WBP1L: variants seen among roughly 807,000 people sequenced by gnomAD.
WBP1L encodes WW domain binding protein 1-like.
WBP1L carries 17 observed loss-of-function variants against 33.7 expected under a neutral mutation model. The ratio of observed to expected loss-of-function variants is 0.50; its 90% confidence interval spans 0.34 to 0.76. The LOEUF is 0.76. Among genes scored for constraint, WBP1L ranks in the 30% least tolerant of loss-of-function variants. The pLI is 0.01. For missense variants in WBP1L, 389 were observed against 469.4 expected (o/e 0.83, Z 1.58); for synonymous variants, 173 against 190.8 (o/e 0.91, Z 0.77).
intron 1 of WBP1L, among the ~76,000 whole-genome samples, chr10:102,748,777 A>G (rs1842894022): frequency 6.6e-6 from 1 of 152,242 alleles, no homozygotes; most frequent in Non-Finnish European, 1.5e-5. Context: ...AAATGGAAGT[A>G]CAAACAAAGG....
At chr10:102,788,982 C>T (rs10786710) in intron 1 of WBP1L, among the ~76,000 whole-genome samples, 78,582 of 151,870 alleles carry the variant, frequency 0.52, 21,370 homozygotes, top group Middle Eastern at 0.63. Context: ...TTTACTGAGA[C>T]GGAGTCTTGC....
chr10:102,744,808 G>A (rs974634541), intron 1 of WBP1L, among the ~76,000 whole-genome samples: 1 of 152,176 alleles, frequency 6.6e-6, no homozygotes, highest in African/African-American at 2.4e-5. Context: ...AGCAAGTCAC[G>A]GATGCTGATC....
At chr10:102,807,413 C>T (rs967767413) in intron 2 of WBP1L, among the ~76,000 whole-genome samples, 45 of 152,002 alleles carry the variant, frequency 3.0e-4, no homozygotes, top group African/African-American at 9.7e-4. Flanking sequence ...GAATCTCACT[C>T]GGTTGCCAGG....
rs749483503 is a variant in WBP1L at position 102,812,746 on chromosome 10, T to C, written c.507T>C (p.Asp169=). ...GPAGGSPPGI[D]PTRGSQGAQS... The stretch of plus-strand genomic sequence containing the variant: ...CAGGTGGCAGTCCCCCGGGCATCGA[T>C]CCCACCAGGGGATCCCAGGGGGCAC... Residue 169 remains aspartate, a synonymous_variant, in exon 4 of 4, where the codon GAT becomes GAC. Coordinates refer to ENST00000448841, the MANE Select transcript of WBP1L (RefSeq NM_001083913.2). 1 of 1,613,638 alleles carries C rather than the reference T, an allele frequency of 6.2e-7. No individual in the cohort carries two copies. Among genetic ancestry groups the C allele is most frequent in the Non-Finnish European group, 8.5e-7 (1 of 1,179,862 alleles).
At chr10:102,745,951 A>G (rs1842859171) in intron 1 of WBP1L, among the ~76,000 whole-genome samples, 1 of 152,366 alleles carries the variant, frequency 6.6e-6, no homozygotes, top group African/African-American at 2.4e-5. Flanking sequence ...AAAATATAGA[A>G]TATAGTAAAT....
chr10:102,748,908 C>T (rs1004735128), intron 1 of WBP1L, among the ~76,000 whole-genome samples: 4 of 152,044 alleles, frequency 2.6e-5, no homozygotes, highest in African/African-American at 9.7e-5. Flanking sequence ...AGAGTATGGA[C>T]CAGGAAGGGG....
intron 1 of WBP1L, among the ~76,000 whole-genome samples, chr10:102,746,346 C>T (rs1842864277): frequency 6.6e-6 from 1 of 152,104 alleles, no homozygotes; most frequent in South Asian, 2.1e-4. Flanking sequence ...AGCTGTTACA[C>T]GGTTACAATT....
chr10:102,795,776 AGGGCCTG>A (rs1416594714), intron 1 of WBP1L, among the ~76,000 whole-genome samples: 1 of 152,234 alleles, frequency 6.6e-6, no homozygotes, highest in African/African-American at 2.4e-5. Context: ...TGGCATTCGC[AGGGCCTG>A]GTAAACTGGG....
chr10:102,812,176 G>A (rs912114588), intron 3 of WBP1L, among the ~76,000 whole-genome samples: 5 of 152,216 alleles, frequency 3.3e-5, no homozygotes, highest in African/African-American at 1.2e-4. Flanking sequence ...TCTGAAGTTA[G>A]GGACCCTGGC....
Position 102,813,786 on chromosome 10 carries a change from AG to A in WBP1L, c.*456del, listed in dbSNP as rs1468420734. Reference sequence around the variant, plus strand: ...GGCAGCCCATCTTGGCCCTGGATGAAGAAGGAAACCCACAGAGGCCCAGGGC... The same window carrying A: ...GGCAGCCCATCTTGGCCCTGGATGAAAAGGAAACCCACAGAGGCCCAGGGC... On this transcript the variant is annotated 3_prime_UTR_variant, in exon 4 of 4. Coordinates refer to ENST00000448841, the MANE Select transcript of WBP1L (RefSeq NM_001083913.2). The A allele has an allele frequency of 1.2e-5, 2 of 161,406 alleles. No individual in the cohort carries two copies. The highest frequency in any genetic ancestry group is 4.8e-5 in the African/African-American group (2 of 41,620). The allele number at this position is 161,406 out of a possible 1,614,324, so 10.0% of individuals were successfully genotyped here.
intron 2 of WBP1L, among the ~76,000 whole-genome samples, chr10:102,805,534 A>T (rs1564769390): frequency 6.6e-6 from 1 of 151,772 alleles, no homozygotes; most frequent in African/African-American, 2.4e-5. Context: ...AGTAGCTAGG[A>T]TTTTAGTTGT....
intron 1 of WBP1L, among the ~76,000 whole-genome samples, chr10:102,773,957 G>A (rs544362418): frequency 6.6e-6 from 1 of 152,256 alleles, no homozygotes; most frequent in African/African-American, 2.4e-5. Flanking sequence ...GGCATCCCCA[G>A]TGCCTAAAAC....
chr10:102,786,165 G>C (rs965796620), intron 1 of WBP1L, among the ~76,000 whole-genome samples: 1 of 152,196 alleles, frequency 6.6e-6, no homozygotes, highest in African/African-American at 2.4e-5. Flanking sequence ...AACAGTACTG[G>C]TGTGGATGGG....
At chr10:102,796,251 C>G (rs1843571986) in intron 1 of WBP1L, among the ~76,000 whole-genome samples, 1 of 152,124 alleles carries the variant, frequency 6.6e-6, no homozygotes, top group Non-Finnish European at 1.5e-5. Context: ...TTGTGAGGGC[C>G]TCATTGTCAG....
intron 1 of WBP1L, among the ~76,000 whole-genome samples, chr10:102,763,589 C>A (rs1843070816): frequency 6.6e-6 from 1 of 152,144 alleles, no homozygotes; most frequent in South Asian, 2.1e-4. Flanking sequence ...AGGAAAGTCT[C>A]CCCCTGGGCA....
chr10:102,788,191 C>A (rs1427911244), intron 1 of WBP1L, among the ~76,000 whole-genome samples: 2 of 137,314 alleles, frequency 1.5e-5, no homozygotes, highest in Non-Finnish European at 3.1e-5. Context: ...TGCAGTGGTG[C>A]GATCTCGGCT....
chr10:102,802,059 C>T (rs1471448962), intron 2 of WBP1L, among the ~76,000 whole-genome samples: 2 of 80,936 alleles, frequency 2.5e-5, no homozygotes, highest in Non-Finnish European at 5.1e-5. Context: ...TCCACCCTCC[C>T]CTACCCTTCC....
At chr10:102,783,163 A>G (rs1843361936) in intron 1 of WBP1L, among the ~76,000 whole-genome samples, 1 of 152,060 alleles carries the variant, frequency 6.6e-6, no homozygotes, top group Non-Finnish European at 1.5e-5. Flanking sequence ...CACAAATAGA[A>G]CATACAGTCA....
rs934156298 is a variant in WBP1L at position 102,813,961 on chromosome 10, T to C, written c.*630T>C. The C allele has an allele frequency of 6.6e-6, 1 of 152,382 alleles. No homozygotes were observed. Among genetic ancestry groups the C allele is most frequent in the African/African-American group, 2.4e-5 (1 of 41,464 alleles). 9.4% of individuals were successfully genotyped at this position (152,382 alleles called of 1,614,324 possible). A position where few individuals can be genotyped will look rare whatever the true frequency, so the allele number is the denominator to read the frequency against. On this transcript the variant is annotated 3_prime_UTR_variant, in exon 4 of 4. Coordinates refer to ENST00000448841, the MANE Select transcript of WBP1L (RefSeq NM_001083913.2). Reference sequence around the variant, plus strand: ...CAAGATCTATGCACCCCATGCGTCCTTGAGGGGCCTCTTCCCCGCAGGCTC... The same window carrying C: ...CAAGATCTATGCACCCCATGCGTCCCTGAGGGGCCTCTTCCCCGCAGGCTC...
Sources: gnomAD v4.1 joint callset for allele counts (sites outside exome capture counted in the v4.1 genomes callset) on GRCh38, gnomAD v4.1.1 for gene constraint, MANE v1.5 for transcripts, NCBI Gene and HGNC (gene_info 2026-07-23, HGNC 2026-07-21) for gene names.